LDB2: variants seen among roughly 807,000 people sequenced by gnomAD.
The protein encoded by LDB2 is LIM domain binding 2.
A neutral mutation model predicts 44.3 loss-of-function variants in LDB2; 12 were observed. The observed-to-expected ratio is 0.27, with a 90% CI of 0.17 to 0.44. The LOEUF (loss-of-function observed/expected upper bound fraction) is 0.44. LDB2 is among the 20% of genes least tolerant of loss of function. LDB2 has a pLI of 1.00. For synonymous variants in LDB2, 164 were observed against 174.8 expected, an observed-to-expected ratio of 0.94 and a Z score of 0.49; for missense variants, 344 against 473.5, an observed-to-expected ratio of 0.73 and a Z score of 2.54.
chr4:16,503,489 T>C (rs918965467), intron 7 of LDB2, among the ~76,000 whole-genome samples: 1 of 152,228 alleles, frequency 6.6e-6, no homozygotes, highest in Admixed American at 6.5e-5. Context: ...GGTAATTAAT[T>C]TAGGTAAAGT....
chr4:16,681,347 C>A (rs1747793991), intron 2 of LDB2, among the ~76,000 whole-genome samples: 1 of 152,150 alleles, frequency 6.6e-6, no homozygotes, highest in South Asian at 2.1e-4. Flanking sequence ...AAATTGAATT[C>A]TTCAAACAAT....
intron 1 of LDB2, among the ~76,000 whole-genome samples, chr4:16,894,690 C>A (rs1054994486): frequency 2.6e-5 from 4 of 152,064 alleles, no homozygotes; most frequent in Non-Finnish European, 5.9e-5. Context: ...ATAGGAGATA[C>A]CAGGCCCCAA....
chr4:16,883,081 C>G (rs1054590462), intron 1 of LDB2, among the ~76,000 whole-genome samples: 3 of 152,186 alleles, frequency 2.0e-5, no homozygotes, highest in African/African-American at 7.2e-5. Context: ...GTTCCCAGAG[C>G]ATTTTGAGGC....
rs200878042 is a variant in LDB2, at chr4:16,850,981, G to A, written c.132+47373C>T. Among the ~76,000 whole-genome samples the A allele has an allele frequency of 1.7e-4, 8 of 46,614 alleles. No individual in the cohort carries two copies. In the East Asian group the frequency reaches 7.3e-3, roughly 42 times the overall value. The allele number at this position is 46,614 out of a possible 152,430, so 30.6% of individuals were successfully genotyped here. Reference sequence around the variant, plus strand: ...GTGTGTGTGTGTGTGTGTGTGTATTGGGGAGTGGGAGATGACACCCAGGGA... The same window carrying A: ...GTGTGTGTGTGTGTGTGTGTGTATTAGGGAGTGGGAGATGACACCCAGGGA... On this transcript the variant is annotated intron_variant, in intron 1 of 7. Transcript: ENST00000304523.
At chr4:16,631,664 G>C (rs917477958) in intron 2 of LDB2, among the ~76,000 whole-genome samples, 1 of 152,130 alleles carries the variant, frequency 6.6e-6, no homozygotes, top group East Asian at 1.9e-4. Flanking sequence ...TTTTTGAAAA[G>C]ATAACAAAAT....
chr4:16,629,696 G>T (rs1731336063), intron 2 of LDB2, among the ~76,000 whole-genome samples: 1 of 152,080 alleles, frequency 6.6e-6, no homozygotes, highest in African/African-American at 2.4e-5. Flanking sequence ...TTGAAAAAAG[G>T]TTAGAAGAAT....
chr4:16,825,672 T>C (rs2110007217), intron 1 of LDB2, among the ~76,000 whole-genome samples: 1 of 152,190 alleles, frequency 6.6e-6, no homozygotes, highest in South Asian at 2.1e-4. Context: ...TGGGACTTCA[T>C]GAAATGACAT....
chr4:16,682,762 T>G (rs746536155), intron 2 of LDB2, among the ~76,000 whole-genome samples: 1 of 152,226 alleles, frequency 6.6e-6, no homozygotes, highest in Non-Finnish European at 1.5e-5. Context: ...TGAGACAGAC[T>G]TCATGTTGAG....
intron 2 of LDB2, among the ~76,000 whole-genome samples, chr4:16,686,377 T>C: frequency 6.6e-6 from 1 of 152,246 alleles, no homozygotes; most frequent in East Asian, 1.9e-4. Flanking sequence ...GTGGTATTAC[T>C]CTCATTCTTA....
chr4:16,762,898 G>A (rs1055543689), intron 1 of LDB2, among the ~76,000 whole-genome samples: 2 of 152,264 alleles, frequency 1.3e-5, no homozygotes, highest in Non-Finnish European at 2.9e-5. Flanking sequence ...AGTGTTACAG[G>A]TTCCACAGGG....
At chr4:16,888,585 T>A (rs556215757) in intron 1 of LDB2, 1 of 365,626 alleles carries the variant, frequency 2.7e-6, no homozygotes, top group East Asian at 1.6e-4. Context: ...CAAGTTTTGT[T>A]TATTAAATTG....
At chr4:16,859,784 A>G (rs1711875555) in intron 1 of LDB2, among the ~76,000 whole-genome samples, 1 of 152,242 alleles carries the variant, frequency 6.6e-6, no homozygotes, top group Non-Finnish European at 1.5e-5. Context: ...ATGTTCATTG[A>G]CAATCTGCTA....
intron 5 of LDB2, among the ~76,000 whole-genome samples, chr4:16,561,074 A>G (rs1577723120): frequency 1.3e-5 from 2 of 152,306 alleles, no homozygotes; most frequent in Non-Finnish European, 2.9e-5. Flanking sequence ...ATCTCAAAAT[A>G]ATAAGAGCTA....
chr4:16,632,191 A>C (rs747442515), intron 2 of LDB2, among the ~76,000 whole-genome samples: 115 of 152,392 alleles, frequency 7.5e-4, no homozygotes, highest in Non-Finnish European at 1.1e-3. Flanking sequence ...TCAATAAAAT[A>C]CTGGGAAACT....
intron 1 of LDB2, among the ~76,000 whole-genome samples, chr4:16,886,516 G>A (rs1454163211): frequency 6.6e-6 from 1 of 152,050 alleles, no homozygotes; most frequent in Admixed American, 6.6e-5. Flanking sequence ...CAATTTTGTT[G>A]CACAGTAAAA....
intron 1 of LDB2, among the ~76,000 whole-genome samples, chr4:16,798,903 T>G (rs1777237089): frequency 6.6e-6 from 1 of 152,126 alleles, no homozygotes. Context: ...CAGGCTGGAG[T>G]GCAGTGGCGC....
intron 6 of LDB2, among the ~76,000 whole-genome samples, chr4:16,508,941 T>C (rs1720647910): frequency 6.6e-6 from 1 of 152,222 alleles, no homozygotes; most frequent in Non-Finnish European, 1.5e-5. Context: ...ATGGTATGTA[T>C]TTAATTTTGT....
intron 2 of LDB2, among the ~76,000 whole-genome samples, chr4:16,713,962 T>G (rs1756483264): frequency 6.6e-6 from 1 of 152,202 alleles, no homozygotes; most frequent in African/African-American, 2.4e-5. Context: ...ATGACAAATG[T>G]TAGGTCAAGG....
intron 1 of LDB2, among the ~76,000 whole-genome samples, chr4:16,851,126 G>A (rs1025042347): frequency 3.9e-5 from 6 of 152,008 alleles, no homozygotes; most frequent in African/African-American, 1.5e-4. Flanking sequence ...CTCTTGGAGT[G>A]AGGAGAAGCT....
Sources: allele counts gnomAD v4.1 joint callset (sites outside exome capture counted in the v4.1 genomes callset), GRCh38; gene constraint gnomAD v4.1.1; transcripts MANE v1.5; gene names NCBI Gene and HGNC (gene_info 2026-07-23, HGNC 2026-07-21).